Variants in TGFBR2 observed in about 807,000 individuals in gnomAD.
TGFBR2 encodes the protein transforming growth factor beta receptor 2.
Under a neutral mutation model 49.0 loss-of-function variants are expected in TGFBR2, and 18 were observed. The observed-to-expected ratio is 0.37, with a 90% CI of 0.25 to 0.54. TGFBR2 has a LOEUF of 0.54. Ranked by LOEUF, TGFBR2 falls within the 20% of genes least tolerant of loss-of-function variation. TGFBR2 has a pLI of 0.85. For synonymous variants in TGFBR2, 282 were observed against 275.9 expected (o/e 1.02, Z -0.22); for missense variants, 525 against 722.6 (o/e 0.73, Z 3.13).
At chr3:30,687,087 T>C (rs977883045) in intron 5 of TGFBR2, among the ~76,000 whole-genome samples, 1 of 152,176 alleles carries the variant, frequency 6.6e-6, no homozygotes, top group African/African-American at 2.4e-5. Context: ...AAATAAAATA[T>C]GGTATATGCA....
intron 1 of TGFBR2, among the ~76,000 whole-genome samples, chr3:30,614,094 G>C (rs1698085828): frequency 6.8e-6 from 1 of 146,418 alleles, no homozygotes; most frequent in South Asian, 2.2e-4. Flanking sequence ...GTGAACTTTA[G>C]CTCTATACTT....
intron 2 of TGFBR2, among the ~76,000 whole-genome samples, chr3:30,650,012 G>C (rs1409219960): frequency 6.6e-6 from 1 of 152,152 alleles, no homozygotes; most frequent in African/African-American, 2.4e-5. Flanking sequence ...GTGGAACGCT[G>C]TCTGCTCCAG....
chr3:30,607,090 A>G (rs529991759), intron 1 of TGFBR2, 113 bp downstream of exon 1: 3 of 884,226 alleles, frequency 3.4e-6, no homozygotes, highest in African/African-American at 3.4e-5. Flanking sequence ...GGCGGAAACG[A>G]GGAAAGTTTC....
rs304840 is a variant in TGFBR2 at position 30,691,929 on chromosome 3, C to A, written c.*330C>A. ...ATGTTTTATATATATATATATATAT[C>A]TATATATGTCTATAGCTCTATATAT... On this transcript the variant is annotated 3_prime_UTR_variant, in exon 7 of 7. Transcript: ENST00000295754. 2,018 of 204,262 alleles carry A rather than the reference C, an allele frequency of 9.9e-3. 15 individuals are homozygous for A. Among genetic ancestry groups the A allele is most frequent in the Non-Finnish European group, 0.013 (1,310 of 103,730 alleles). 12.7% of individuals were successfully genotyped at this position (204,262 alleles called of 1,614,324 possible). A position where few individuals can be genotyped will look rare whatever the true frequency, so the allele number is the denominator to read the frequency against.
At chr3:30,683,553 T>C (rs1699571572) in intron 5 of TGFBR2, among the ~76,000 whole-genome samples, 1 of 152,236 alleles carries the variant, frequency 6.6e-6, no homozygotes, top group Non-Finnish European at 1.5e-5. Flanking sequence ...CTATTCCACC[T>C]AAGCCACTTT....
chr3:30,650,162 G>A (rs1698852285), intron 2 of TGFBR2, 108 bp from the exon 3 acceptor site: 2 of 1,167,778 alleles, frequency 1.7e-6, no homozygotes, highest in South Asian at 1.2e-5. Flanking sequence ...ACAACTTCAT[G>A]AAGGAAAAGT....
intron 1 of TGFBR2, among the ~76,000 whole-genome samples, chr3:30,632,288 G>A (rs560991565): frequency 3.9e-5 from 6 of 152,312 alleles, no homozygotes; most frequent in African/African-American, 1.2e-4. Flanking sequence ...CAAAGCCAAA[G>A]TAGATCAGCT....
At chr3:30,629,207 G>A (rs1350114318) in intron 1 of TGFBR2, among the ~76,000 whole-genome samples, 1 of 152,202 alleles carries the variant, frequency 6.6e-6, no homozygotes, top group Non-Finnish European at 1.5e-5. Context: ...ACTTGAAAAT[G>A]GCTGGTCTGA....
At chr3:30,634,768 A>G (rs149199236) in intron 1 of TGFBR2, among the ~76,000 whole-genome samples, 1 of 152,294 alleles carries the variant, frequency 6.6e-6, no homozygotes, top group Admixed American at 6.5e-5. Context: ...CTGAGGGAGA[A>G]TTGTTTTCTC....
chr3:30,686,702 G>T (rs1361459083), intron 5 of TGFBR2, among the ~76,000 whole-genome samples: 2 of 152,194 alleles, frequency 1.3e-5, no homozygotes, highest in East Asian at 3.8e-4. Context: ...AAAGGCCAAA[G>T]ATCCTACTTA....
chr3:30,629,089 C>T (rs963800989), intron 1 of TGFBR2, among the ~76,000 whole-genome samples: 6 of 152,174 alleles, frequency 3.9e-5, no homozygotes, highest in African/African-American at 1.2e-4. Context: ...CCTCAGAAGC[C>T]GAGGAACGCA....
At chr3:30,609,661 T>C (rs1697995222) in intron 1 of TGFBR2, among the ~76,000 whole-genome samples, 1 of 152,160 alleles carries the variant, frequency 6.6e-6, no homozygotes, top group South Asian at 2.1e-4. Context: ...ACTTTTCAGG[T>C]TCCTGGAAGT....
rs563926285 is a variant in TGFBR2 at position 30,648,409 on chromosome 3, A to C, written c.264-1861A>C. ...ATACCTTCGTTTTATTACCCAAACC[A>C]AAAACAACCTACACACACACACACA... is the stretch of plus-strand genomic sequence containing the variant. On this transcript the variant is annotated intron_variant, in intron 2 of 6. Coordinates refer to ENST00000295754, the MANE Select transcript of TGFBR2 (RefSeq NM_003242.6). Among the ~76,000 whole-genome samples, 7 of 109,300 alleles carry C rather than the reference A, an allele frequency of 6.4e-5. No individual in the cohort carries two copies. The East Asian group carries it at 1.7e-3, about 27-fold the overall frequency. The allele number at this position is 109,300 out of a possible 152,430, so 71.7% of individuals were successfully genotyped here.
chr3:30,688,565 G>C (rs188815163), intron 6 of TGFBR2, 54 bp downstream of exon 6: 2 of 1,609,530 alleles, frequency 1.2e-6, no homozygotes, highest in Non-Finnish European at 8.5e-7. Context: ...TTGCCTCTTA[G>C]GTGGCAGAGA....
intron 2 of TGFBR2, among the ~76,000 whole-genome samples, chr3:30,648,460 A>ACACACCCACACACACC (rs1553627538): frequency 7.0e-6 from 1 of 142,384 alleles, no homozygotes; most frequent in Non-Finnish European, 1.5e-5. Flanking sequence ...ACACACACAC[A>ACACACCCACACACACC]CAAAACTGTG....
chr3:30,681,065 C>T (rs913468014), intron 5 of TGFBR2, among the ~76,000 whole-genome samples: 10 of 148,974 alleles, frequency 6.7e-5, no homozygotes, highest in Middle Eastern at 3.5e-3. Flanking sequence ...GAAGCTGACA[C>T]GTAGCAGCCA....
At chr3:30,642,714 C>CT (rs1057031740) in intron 1 of TGFBR2, among the ~76,000 whole-genome samples, 1 of 151,306 alleles carries the variant, frequency 6.6e-6, no homozygotes, top group African/African-American at 2.4e-5. Flanking sequence ...CGTGGTTTCA[C>CT]TTTTTTTTTG....
chr3:30,656,234 A>C (rs1311572027), intron 3 of TGFBR2, among the ~76,000 whole-genome samples: 5 of 152,198 alleles, frequency 3.3e-5, no homozygotes, highest in African/African-American at 1.2e-4. Context: ...GGTCTTTTTC[A>C]GCAGTGACAA....
intron 1 of TGFBR2, among the ~76,000 whole-genome samples, chr3:30,630,242 A>G (rs1698411478): frequency 6.6e-6 from 1 of 152,216 alleles, no homozygotes; most frequent in African/African-American, 2.4e-5. Context: ...GGTTTAATAG[A>G]TAAGATTCAG....
Sources: gnomAD v4.1 joint callset for allele counts (sites outside exome capture counted in the v4.1 genomes callset) on GRCh38, gnomAD v4.1.1 for gene constraint, MANE v1.5 for transcripts, NCBI Gene and HGNC (gene_info 2026-07-23, HGNC 2026-07-21) for gene names.